The following NLRX1 variants were observed in gnomAD, a reference collection of about 807,000 sequenced individuals.
NLRX1 encodes NLR family member X1.
Under a neutral mutation model 74.2 loss-of-function variants are expected in NLRX1, and 67 were observed. The ratio of observed to expected loss-of-function variants is 0.90; its 90% CI spans 0.74 to 1.11. NLRX1 has a LOEUF of 1.11. Ranked by LOEUF, NLRX1 falls within the 50% of genes least tolerant of loss-of-function variation. The probability of loss-of-function intolerance (pLI) is 0.00; values close to 1 mark genes in which losing one functional copy is unlikely to be tolerated. For missense variants in NLRX1, 1,191 were observed against 1,305.4 expected, an observed-to-expected ratio of 0.91 and a Z score of 1.35; for synonymous variants, 506 against 559.1, an observed-to-expected ratio of 0.91 and a Z score of 1.34.
intron 6 of NLRX1, 77 bp from the exon 7 acceptor site, chr11:119,179,616 G>T: frequency 8.7e-7 from 1 of 1,147,470 alleles, no homozygotes; most frequent in African/African-American, 1.8e-5. Context: ...AGTCATGGGA[G>T]TGTACCTTAA....
chr11:119,173,722 G>T lies in NLRX1; in HGVS notation c.473G>T (p.Arg158Leu). The change falls in exon 5 of 10, where the codon CGG becomes CTG. Residue 158 changes from arginine to leucine, a missense_variant. Transcript: ENST00000409109. This position sits in a 1 kb window ranked among gnomAD's most constrained non-coding sequence, Gnocchi z 4.0. ...TTTAACCCGGATGCCTGTGGGCGCC[G>T]GGTGCAGACAGTGGTGCTGTATGGG... ...QLFNPDACGR[R>L]VQTVVLYGTV... The T allele has an allele frequency of 1.2e-6, 2 of 1,613,886 alleles. No homozygotes were observed. Among genetic ancestry groups the T allele is most frequent in the South Asian group, 2.2e-5 (2 of 91,088 alleles).
In NLRX1 at chr11:119,179,869, G is replaced by A. The variant is rs144923813; in HGVS notation, c.1848G>A (p.Glu616=). The change falls in exon 7 of 10, where the codon GAG becomes GAA. Residue 616 remains glutamate (E), a synonymous_variant. Coordinates refer to ENST00000409109, the MANE Select transcript of NLRX1 (RefSeq NM_001282144.2). The part of the protein sequence containing the change: ...GPRRHPDEPP[E]DEVFELFPMF... ...GGCGCCACCCAGATGAGCCCCCTGA[G>A]GATGAAGTCTTCGAGCTCTTCCCCA... The A allele has an allele frequency of 1.2e-6, 2 of 1,613,824 alleles. No homozygotes were observed. The highest frequency in any genetic ancestry group is 2.7e-5 in the African/African-American group (2 of 74,912).
chr11:119,171,498 T>C, intron 2 of NLRX1, 25 bp downstream of exon 2: 2 of 1,554,494 alleles, frequency 1.3e-6, no homozygotes, highest in Non-Finnish European at 1.8e-6. Flanking sequence ...GGGGTTTCTG[T>C]TTTTACCTCT....
chr11:119,173,916 C>G lies in NLRX1; in HGVS notation c.667C>G (p.Leu223Val), dbSNP rs1565826900. The G allele has an allele frequency of 6.8e-6, 11 of 1,613,736 alleles. No homozygotes were observed. The highest frequency in any genetic ancestry group is 5.0e-5 in the Admixed American group (3 of 60,036). ...CQLVAQRYTPLKEVLPLMAAA... is the reference protein window; with the variant it reads ...CQLVAQRYTPVKEVLPLMAAA... The stretch of plus-strand genomic sequence containing the variant: ...ACTTGTGGCCCAGCGCTACACGCCC[C>G]TGAAGGAGGTTCTGCCCCTGATGGC... Residue 223 changes from leucine (L) to valine (V), a missense_variant, in exon 5 of 10, where the codon CTG becomes GTG. Transcript: ENST00000409109. The surrounding 1 kb of genome is among the most constrained non-coding windows in gnomAD (Gnocchi z 4.0).
Position 119,175,008 on chromosome 11 carries a change from T to C in NLRX1, c.1405T>C (p.Phe469Leu). Residue 469 changes from phenylalanine to leucine, a missense_variant, in exon 6 of 10, where the codon TTC becomes CTC. Transcript: ENST00000409109. ...TEEEFQLLHIFRRDALRFFLA... is the reference protein window; with the variant it reads ...TEEEFQLLHILRRDALRFFLA... ...GGAGGAGTTTCAGCTGCTGCACATCTTCCGTCGGGATGCCCTGAGGTTTTT... is the reference window on the plus strand; with the variant it reads ...GGAGGAGTTTCAGCTGCTGCACATCCTCCGTCGGGATGCCCTGAGGTTTTT... The C allele has an allele frequency of 6.2e-7, 1 of 1,614,146 alleles. No individual in the cohort carries two copies. The highest frequency in any genetic ancestry group is 1.1e-5 in the South Asian group (1 of 91,092).
rs151088180 is a variant in NLRX1, at chr11:119,175,142, G to A, written c.1539G>A (p.Thr513=). ...ACATTGTGCTGGGTTTGCGCAAGACGACCCTGCAAAAGGTGGGCAAGGAAG... is the reference window on the plus strand; with the variant it reads ...ACATTGTGCTGGGTTTGCGCAAGACAACCCTGCAAAAGGTGGGCAAGGAAG... ...ALYIVLGLRK[T]TLQKVGKEVA... Residue 513 remains threonine, a synonymous_variant, in exon 6 of 10, where the codon ACG becomes ACA. Coordinates refer to ENST00000409109, the MANE Select transcript of NLRX1 (RefSeq NM_001282144.2). 33 of 1,614,198 alleles carry A rather than the reference G, an allele frequency of 2.0e-5. No individual in the cohort carries two copies. Among genetic ancestry groups the A allele is most frequent in the African/African-American group, 1.3e-4 (10 of 75,066 alleles).
At position 119,173,288 on chromosome 11, in the gene NLRX1, A is replaced by G. The variant is rs778123384; in HGVS notation, c.230-191A>G. The G allele has an allele frequency of 1.4e-5, 10 of 716,988 alleles. No homozygotes were observed. Among genetic ancestry groups the G allele is most frequent in the Non-Finnish European group, 2.3e-5 (10 of 433,204 alleles). The allele number at this position is 716,988 out of a possible 1,614,324, so 44.4% of individuals were successfully genotyped here. A position where few individuals can be genotyped will look rare whatever the true frequency, so the allele number is the denominator to read the frequency against. On this transcript the variant is annotated intron_variant, in intron 4 of 9. Transcript: ENST00000409109. This position sits in a 1 kb window ranked among gnomAD's most constrained non-coding sequence, Gnocchi z 4.0. ...AAACCAGTTTGTCCAGTGGCTTCCCACTTTCTGACATAGGGGTTCCAGACT... is the reference window on the plus strand; with the variant it reads ...AAACCAGTTTGTCCAGTGGCTTCCCGCTTTCTGACATAGGGGTTCCAGACT...
chr11:119,172,545 G>T (rs545016598), intron 3 of NLRX1, 120 bp downstream of exon 3: 13 of 759,368 alleles, frequency 1.7e-5, no homozygotes, highest in East Asian at 7.5e-5. Flanking sequence ...TGGTCCTTTG[G>T]GGGTGGGAGG....
intron 1 of NLRX1, among the ~76,000 whole-genome samples, chr11:119,171,106 G>A (rs1018638813): frequency 6.6e-6 from 1 of 152,194 alleles, no homozygotes; most frequent in Non-Finnish European, 1.5e-5. Context: ...TCATGCCTGG[G>A]CAACAGAGGG....
intron 9 of NLRX1, among the ~76,000 whole-genome samples, chr11:119,182,786 C>T (rs1948872478): frequency 6.6e-6 from 1 of 151,962 alleles, no homozygotes; most frequent in Non-Finnish European, 1.5e-5. Flanking sequence ...ACTTGGGAGG[C>T]TGAGGCAGGA....
chr11:119,174,131 TG>T, intron 5 of NLRX1, 33 bp downstream of exon 5: 1 of 1,604,398 alleles, frequency 6.2e-7, no homozygotes, highest in Non-Finnish European at 8.5e-7. Context: ...TTATCACTGC[TG>T]CCCGTTGACT....
At chr11:119,171,013 G>A (rs1407749073) in intron 1 of NLRX1, among the ~76,000 whole-genome samples, 1 of 152,150 alleles carries the variant, frequency 6.6e-6, no homozygotes, top group Non-Finnish European at 1.5e-5. Flanking sequence ...TGTGGTGGTG[G>A]GCGCCTGTAA....
Position 119,180,273 on chromosome 11 carries a change from G to A in NLRX1, c.2252G>A (p.Arg751His), listed in dbSNP as rs530058063. ...CGCACACTCCTGCCTGTCTTCCTGCGTGCCCGGAAGCTGGGGTGAGGACCT... is the reference window on the plus strand; with the variant it reads ...CGCACACTCCTGCCTGTCTTCCTGCATGCCCGGAAGCTGGGGTGAGGACCT... ...GLRTLLPVFLRARKLGLQLNS... is the reference protein window; with the variant it reads ...GLRTLLPVFLHARKLGLQLNS... The change falls in exon 7 of 10, where the codon CGT (arginine) becomes CAT (histidine). Residue 751 changes from arginine (R) to histidine (H), a missense_variant. Physicochemically the swap from Arg to His is conservative, Grantham distance 29. Transcript: ENST00000409109. 2.2e-5 allele frequency: 34 copies of A among 1,581,176 alleles called. No homozygotes were observed. The East Asian group carries it at 6.1e-4, about 28-fold the overall frequency.
At chr11:119,178,287 T>C (rs1407129062) in intron 6 of NLRX1, among the ~76,000 whole-genome samples, 2 of 152,164 alleles carry the variant, frequency 1.3e-5, no homozygotes, top group Non-Finnish European at 2.9e-5. Context: ...TTCAGAACCA[T>C]TGCAGGAATG....
chr11:119,174,136 G>A (rs754231143), intron 5 of NLRX1, 38 bp downstream of exon 5: 61 of 1,598,672 alleles, frequency 3.8e-5, no homozygotes, highest in Non-Finnish European at 4.6e-5. Flanking sequence ...ACTGCTGCCC[G>A]TTGACTCGCC....
rs565802456 is a variant in NLRX1 at position 119,183,037 on chromosome 11, C to T, written c.2607-81C>T. 8 of 1,301,332 alleles carry T rather than the reference C, an allele frequency of 6.1e-6. No individual in the cohort carries two copies. The East Asian group carries it at 2.0e-4, about 32-fold the overall frequency. 80.6% of individuals were successfully genotyped at this position (1,301,332 alleles called of 1,614,324 possible). A position where few individuals can be genotyped will look rare whatever the true frequency, so the allele number is the denominator to read the frequency against. On this transcript the variant is annotated intron_variant, in intron 9 of 9. Coordinates refer to ENST00000409109, the MANE Select transcript of NLRX1 (RefSeq NM_001282144.2). This position sits in a 1 kb window ranked among gnomAD's most constrained non-coding sequence, Gnocchi z 5.7. ...CAGCCAGGAGATGAGTTGTGAGGCC[C>T]CCTGACTTTCCATCCATCTACCCTC...
chr11:119,182,817 G>A (rs1948873130), intron 9 of NLRX1, among the ~76,000 whole-genome samples: 1 of 151,872 alleles, frequency 6.6e-6, no homozygotes, highest in African/African-American at 2.4e-5. Flanking sequence ...AACCCGGCAG[G>A]TGGAGGTTGC....
At position 119,174,470 on chromosome 11, in the gene NLRX1, C is replaced by T; in HGVS notation, c.867C>T (p.Thr289=). The stretch of plus-strand genomic sequence containing the variant: ...CTTCCCAGGCCAGCATTCTGGTGAC[C>T]ACTCGGCCCTCTGCCATTGGCCGTA... The part of the protein sequence containing the change: ...YMLPQASILV[T]TRPSAIGRIP... The change falls in exon 6 of 10, where the codon ACC becomes ACT. Residue 289 remains threonine (T), a synonymous_variant. Coordinates refer to ENST00000409109, the MANE Select transcript of NLRX1 (RefSeq NM_001282144.2). 1 of 1,613,756 alleles carries T rather than the reference C, an allele frequency of 6.2e-7. No homozygotes were observed. The highest frequency in any genetic ancestry group is 1.1e-5 in the South Asian group (1 of 91,058).
chr11:119,172,549 TG>T, intron 3 of NLRX1, 124 bp downstream of exon 3: 1 of 739,592 alleles, frequency 1.4e-6, no homozygotes, highest in Non-Finnish European at 2.4e-6. Context: ...CCTTTGGGGG[TG>T]GGAGGACAGT....
Sources: gnomAD v4.1 joint callset for allele counts (sites outside exome capture counted in the v4.1 genomes callset) on GRCh38, gnomAD v4.1.1 for gene constraint, Gnocchi (gnomAD v3.1) non-coding constraint, MANE v1.5 for transcripts, NCBI Gene and HGNC (gene_info 2026-07-23, HGNC 2026-07-21) for gene names.